The following XRCC5 variants were observed in gnomAD, a reference collection of about 807,000 sequenced individuals.
XRCC5 encodes the protein DNA repair protein Ku80.
XRCC5 carries 12 observed loss-of-function variants against 95.7 expected under a neutral mutation model. That is an observed-to-expected ratio of 0.13 (90% CI 0.08 to 0.20). The LOEUF (loss-of-function observed/expected upper bound fraction) is 0.20. Ranked by LOEUF, XRCC5 falls within the 10% of genes least tolerant of loss-of-function variation. The pLI, the probability that XRCC5 is intolerant of heterozygous loss-of-function variation, is 1.00. For missense variants in XRCC5, 595 were observed against 873.9 expected (o/e 0.68, Z 4.02); for synonymous variants, 281 against 290.3 (o/e 0.97, Z 0.33).
At chr2:216,197,240 G>A (rs1280907733) in intron 19 of XRCC5, among the ~76,000 whole-genome samples, 1 of 152,124 alleles carries the variant, frequency 6.6e-6, no homozygotes, top group African/African-American at 2.4e-5. Context: ...TAATGATGAA[G>A]CTATAGAGAG....
chr2:216,117,730 T>C lies in XRCC5; in HGVS notation c.320-16T>C. On this transcript the variant is annotated splice_polypyrimidine_tract_variant and intron_variant, in intron 3 of 20. Transcript: ENST00000392132. ...AAGAGACTGTTTGGTGATATCCCTATCCTTAACTAGCTGAGTCCTGGATGC... is the reference window on the plus strand; with the variant it reads ...AAGAGACTGTTTGGTGATATCCCTACCCTTAACTAGCTGAGTCCTGGATGC... 6.2e-7 allele frequency: 1 copy of C among 1,613,884 alleles called. No individual in the cohort carries two copies. The highest frequency in any genetic ancestry group is 8.5e-7 in the Non-Finnish European group (1 of 1,179,782).
chr2:216,133,120 C>T (rs1476702355), intron 10 of XRCC5, among the ~76,000 whole-genome samples: 3 of 151,794 alleles, frequency 2.0e-5, no homozygotes, highest in Non-Finnish European at 1.5e-5. Flanking sequence ...TAGCTGGTTG[C>T]TGATATAGTG....
intron 14 of XRCC5, 92 bp from the exon 15 acceptor site, chr2:216,159,974 CTT>C (rs58550995): frequency 0.027 from 12,654 of 465,486 alleles, no homozygotes; most frequent in South Asian, 0.042. Context: ...CTTCTTTTTT[CTT>C]TTTTTTTTTT....
intron 16 of XRCC5, among the ~76,000 whole-genome samples, chr2:216,172,469 CTTTTTTT>C (rs746493174): frequency 5.6e-5 from 6 of 107,800 alleles, no homozygotes; most frequent in Non-Finnish European, 1.1e-4. Context: ...CTTTTCTTTT[CTTTTTTT>C]TTTTTTTTTT....
rs376254887 is a variant in XRCC5 at position 216,154,643 on chromosome 2, C to T, written c.1671-5425C>T. Among the ~76,000 whole-genome samples, 18 of 152,338 alleles carry T rather than the reference C, an allele frequency of 1.2e-4. No individual in the cohort carries two copies. The East Asian group carries it at 1.3e-3, about 11-fold the overall frequency. ...ATTCTTAAAAGTAGTGATTCTTAAT[C>T]ATGTGTGAAAGACAGAGAGTGCAGT... On this transcript the variant is annotated intron_variant, in intron 14 of 20. Coordinates refer to ENST00000392132, the MANE Select transcript of XRCC5 (RefSeq NM_021141.4).
chr2:216,156,237 T>G (rs1489383596), intron 14 of XRCC5: 1 of 479,324 alleles, frequency 2.1e-6, no homozygotes, highest in Non-Finnish European at 4.0e-6. Context: ...GGCCATAGGT[T>G]AAGTTTCCTT....
intron 16 of XRCC5, among the ~76,000 whole-genome samples, chr2:216,184,028 A>G (rs1689442802): frequency 8.4e-6 from 1 of 119,604 alleles, no homozygotes; most frequent in Non-Finnish European, 1.8e-5. Context: ...GAAATAAGTC[A>G]GCACTGTGTG....
At chr2:216,159,974 C>CTTT in intron 14 of XRCC5, 94 bp from the exon 15 acceptor site, 1 of 481,846 alleles carries the variant, frequency 2.1e-6, no homozygotes, top group Admixed American at 3.6e-5. Context: ...CTTCTTTTTT[C>CTTT]TTTTTTTTTT....
At chr2:216,190,053 T>A (rs950820902) in intron 16 of XRCC5, among the ~76,000 whole-genome samples, 172 bp from the exon 17 acceptor site, 1 of 151,844 alleles carries the variant, frequency 6.6e-6, no homozygotes, top group African/African-American at 2.4e-5. Flanking sequence ...AAATACAGAG[T>A]TTTGAAATCA....
At chr2:216,197,058 A>G (rs1426873755) in intron 19 of XRCC5, among the ~76,000 whole-genome samples, 2 of 152,234 alleles carry the variant, frequency 1.3e-5, no homozygotes, top group Non-Finnish European at 2.9e-5. Context: ...TGCCAGCAGC[A>G]CATCTTAACC....
rs116645423 is a variant in XRCC5 at position 216,157,093 on chromosome 2, G to A, written c.1671-2975G>A. Reference sequence around the variant, plus strand: ...ACTGAGGACAGACAGCACGCACGCTGCCTAGAGAAAACCATTTTCTTTCCT... The same window carrying A: ...ACTGAGGACAGACAGCACGCACGCTACCTAGAGAAAACCATTTTCTTTCCT... On this transcript the variant is annotated intron_variant, in intron 14 of 20. Coordinates refer to ENST00000392132, the MANE Select transcript of XRCC5 (RefSeq NM_021141.4). Among the ~76,000 whole-genome samples, 358 of 152,290 alleles carry A rather than the reference G, an allele frequency of 2.4e-3. 1 individual carries two copies. Among genetic ancestry groups the A allele is most frequent in the African/African-American group, 8.1e-3 (337 of 41,564 alleles).
intron 1 of XRCC5, among the ~76,000 whole-genome samples, 168 bp from the exon 2 acceptor site, chr2:216,112,848 A>G (rs1227826045): frequency 6.6e-6 from 1 of 152,284 alleles, no homozygotes; most frequent in Non-Finnish European, 1.5e-5. Context: ...AGGGTTTTCC[A>G]TAGTGAAAAT....
intron 19 of XRCC5, among the ~76,000 whole-genome samples, 164 bp downstream of exon 19, chr2:216,195,150 T>A (rs1689691005): frequency 6.6e-6 from 1 of 152,190 alleles, no homozygotes; most frequent in Non-Finnish European, 1.5e-5. Context: ...GGAGAAATTA[T>A]AATCTTACTC....
intron 1 of XRCC5, among the ~76,000 whole-genome samples, chr2:216,109,868 T>C (rs1696554997): frequency 6.6e-6 from 1 of 152,196 alleles, no homozygotes; most frequent in South Asian, 2.1e-4. Flanking sequence ...ATAAAGCAAC[T>C]ATCCCACAGG....
At chr2:216,165,558 G>A (rs754920201) in intron 16 of XRCC5, among the ~76,000 whole-genome samples, 10 of 152,162 alleles carry the variant, frequency 6.6e-5, no homozygotes, top group East Asian at 1.9e-4. Context: ...TTGTTTTTCC[G>A]CTAGGGCATC....
intron 16 of XRCC5, among the ~76,000 whole-genome samples, chr2:216,182,514 T>C (rs879817603): frequency 7.9e-5 from 12 of 152,196 alleles, no homozygotes; most frequent in East Asian, 1.9e-4. Flanking sequence ...TTAGTAAGCA[T>C]TGGCAAGTTT....
Position 216,116,711 on chromosome 2 carries a change from G to T in XRCC5, c.188G>T (p.Gly63Val). 6.2e-7 allele frequency: 1 copy of T among 1,614,150 alleles called. No individual in the cohort carries two copies. Among genetic ancestry groups the T allele is most frequent in the Non-Finnish European group, 8.5e-7 (1 of 1,180,024 alleles). The change falls in exon 3 of 21, where the codon GGC (glycine) becomes GTC (valine). Residue 63 changes from glycine to valine, a missense_variant. By Grantham distance (109) the Gly-to-Val change is moderately radical. This residue lies in a region of XRCC5 where 286 missense variants were observed against 491.1 expected (regional missense o/e 0.58). Coordinates refer to ENST00000392132, the MANE Select transcript of XRCC5 (RefSeq NM_021141.4). ...EIALVLFGTD[G>V]TDNPLSGGDQ... ...GCTTTAGTCCTGTTTGGTACAGATG[G>T]CACTGACAATCCCCTTTCTGGTGGG...
intron 8 of XRCC5, chr2:216,127,911 GTGATA>G: frequency 3.8e-6 from 1 of 264,402 alleles, no homozygotes; most frequent in Non-Finnish European, 7.1e-6. Context: ...AATGTCTTAA[GTGATA>G]GTACTCAATA....
intron 2 of XRCC5, among the ~76,000 whole-genome samples, chr2:216,114,661 A>C (rs1489864985): frequency 1.3e-5 from 2 of 152,118 alleles, no homozygotes. Context: ...TAAAACTATC[A>C]CTGTAAGGTA....
Sources: gnomAD v4.1 joint callset for allele counts (sites outside exome capture counted in the v4.1 genomes callset) on GRCh38, gnomAD v4.1.1 for gene constraint, gnomAD v4.1.1 regional missense constraint, MANE v1.5 for transcripts, NCBI Gene and HGNC (gene_info 2026-07-23, HGNC 2026-07-21) for gene names.